The following SPINK6 variants were observed in gnomAD, a reference collection of about 807,000 sequenced individuals.
SPINK6 encodes the protein serine peptidase inhibitor Kazal type 6, also known as serine protease inhibitor Kazal-type 6.
SPINK6 carries 13 observed loss-of-function variants against 11.7 expected under a neutral mutation model. The ratio of observed to expected loss-of-function variants is 1.11; its 90% CI spans 0.72 to 1.76. SPINK6 has a LOEUF of 1.76. Among genes scored for constraint, SPINK6 ranks in the 40% most tolerant of loss-of-function variants. SPINK6 has a pLI of 0.00. For missense variants in SPINK6, 98 were observed against 93.7 expected (o/e 1.05, Z -0.19); for synonymous variants, 21 against 31.9 (o/e 0.66, Z 1.15).
In SPINK6 at chr5:148,205,732, G is replaced by A. The variant is rs79934677; in HGVS notation, c.59-304G>A. Among the ~76,000 whole-genome samples the A allele has an allele frequency of 3.1e-3, 479 of 152,198 alleles. 18 individuals are homozygous for A. In the East Asian group the frequency reaches 0.082, roughly 26 times the overall value. ...ATAAGGTCATTTTCGTAGTAAATTA[G>A]TGACTGGGCTAGGACTGTAACATGA... is the stretch of plus-strand genomic sequence containing the variant. On this transcript the variant is annotated intron_variant, in intron 1 of 3. Transcript: ENST00000325630.
At chr5:148,209,997 C>CACACACGTACGTAT (rs1561732192) in intron 2 of SPINK6, among the ~76,000 whole-genome samples, 5 of 145,892 alleles carry the variant, frequency 3.4e-5, no homozygotes, top group Non-Finnish European at 3.1e-5. Context: ...TACATATACA[C>CACACACGTACGTAT]GTATGTATAC....
In SPINK6 at chr5:148,209,991, T is replaced by TAAACACGTACGTATGTATGTATAC. The variant is rs1398978551; in HGVS notation, c.82-3918_82-3917insAACACGTACGTATGTATGTATACA. ...ACATACGTACGTATGTATGTATACA[T>TAAACACGTACGTATGTATGTATAC]ATACACGTATGTATACATGTATGTA... On this transcript the variant is annotated intron_variant, in intron 2 of 3. Coordinates refer to ENST00000325630, the MANE Select transcript of SPINK6 (RefSeq NM_205841.4). Among the ~76,000 whole-genome samples, 2 of 145,404 alleles carry TAAACACGTACGTATGTATGTATAC rather than the reference T, an allele frequency of 1.4e-5. 1 individual carries two copies. The highest frequency in any genetic ancestry group is 3.0e-5 in the Non-Finnish European group (2 of 65,970).
chr5:148,205,965 C>T (rs959785278), intron 1 of SPINK6, 71 bp from the exon 2 acceptor site: 5 of 1,523,940 alleles, frequency 3.3e-6, no homozygotes, highest in Non-Finnish European at 4.5e-6. Context: ...TTAGGAATTT[C>T]CTAATGTTGA....
intron 1 of SPINK6, among the ~76,000 whole-genome samples, chr5:148,204,336 T>C (rs1302229530): frequency 6.6e-6 from 1 of 151,680 alleles, no homozygotes; most frequent in Non-Finnish European, 1.5e-5. Flanking sequence ...GGCAGAAAAA[T>C]ATATATCTGA....
chr5:148,214,754 T>C (rs113363672), intron 3 of SPINK6, 151 bp from the exon 4 acceptor site: 19 of 600,752 alleles, frequency 3.2e-5, no homozygotes, highest in Admixed American at 2.5e-4. Context: ...AACCTCTGAG[T>C]GCATTTAATT....
intron 2 of SPINK6, among the ~76,000 whole-genome samples, chr5:148,210,624 T>A (rs1755585237): frequency 6.6e-6 from 1 of 151,810 alleles, no homozygotes; most frequent in African/African-American, 2.4e-5. Flanking sequence ...TATATTAAAC[T>A]ATCTAGGAAA....
chr5:148,213,604 T>C (rs1402111436), intron 2 of SPINK6, among the ~76,000 whole-genome samples: 1 of 152,114 alleles, frequency 6.6e-6, no homozygotes, highest in East Asian at 1.9e-4. Context: ...AATAGTTTAA[T>C]GTTGGAGCAA....
chr5:148,213,085 A>C (rs1286256630), intron 2 of SPINK6, among the ~76,000 whole-genome samples: 1 of 151,556 alleles, frequency 6.6e-6, no homozygotes, highest in Admixed American at 6.6e-5. Flanking sequence ...GTGTATATAC[A>C]TAAACACATT....
upstream of SPINK6, chr5:148,202,958 T>C (rs766897652): frequency 3.8e-6 from 2 of 528,306 alleles, no homozygotes; most frequent in East Asian, 6.0e-5. Context: ...TTTTTTAATG[T>C]GTTGGCAGGC....
intron 2 of SPINK6, among the ~76,000 whole-genome samples, chr5:148,210,079 T>TGTATGTATATGTATGTATGCATATAG (rs1561732377): frequency 8.6e-6 from 1 of 116,674 alleles, no homozygotes; most frequent in African/African-American, 2.7e-5. Flanking sequence ...TATGCATATA[T>TGTATGTATATGTATGTATGCATATAG]GTATGCATGT....
chr5:148,212,144 T>C (rs1339733870), intron 2 of SPINK6, among the ~76,000 whole-genome samples: 1 of 152,102 alleles, frequency 6.6e-6, no homozygotes, highest in Non-Finnish European at 1.5e-5. Context: ...AAAACAGCTA[T>C]AGTTGAAAGG....
At chr5:148,208,507 A>G (rs546614832) in intron 2 of SPINK6, among the ~76,000 whole-genome samples, 3 of 152,196 alleles carry the variant, frequency 2.0e-5, no homozygotes, top group Non-Finnish European at 4.4e-5. Context: ...ACATGATGAG[A>G]CAACTGATGG....
At chr5:148,213,765 T>A (rs1755645584) in intron 2 of SPINK6, 145 bp from the exon 3 acceptor site, 1 of 586,472 alleles carries the variant, frequency 1.7e-6, no homozygotes, top group African/African-American at 1.9e-5. Context: ...ATACATCAGA[T>A]AAGGAGAGCT....
At chr5:148,207,154 G>A (rs1249883728) in intron 2 of SPINK6, among the ~76,000 whole-genome samples, 1 of 151,944 alleles carries the variant, frequency 6.6e-6, no homozygotes, top group African/African-American at 2.4e-5. Flanking sequence ...AAATAAGCAT[G>A]ATAGTATGGT....
At chr5:148,212,553 T>G (rs1755615727) in intron 2 of SPINK6, among the ~76,000 whole-genome samples, 1 of 116,580 alleles carries the variant, frequency 8.6e-6, no homozygotes, top group Admixed American at 1.1e-4. Flanking sequence ...TATATTTATA[T>G]ATTTATATAA....
chr5:148,212,731 A>C (rs1301385320), intron 2 of SPINK6, among the ~76,000 whole-genome samples: 2 of 124,366 alleles, frequency 1.6e-5, no homozygotes, highest in Non-Finnish European at 3.2e-5. Flanking sequence ...ATTTTATATA[A>C]ACTATATATT....
intron 1 of SPINK6, 101 bp from the exon 2 acceptor site, chr5:148,205,935 C>A: frequency 8.3e-7 from 1 of 1,209,188 alleles, no homozygotes; most frequent in Non-Finnish European, 1.2e-6. Context: ...TTTAAGATAG[C>A]CAAGTACCAG....
At chr5:148,213,758 C>T (rs1167479069) in intron 2 of SPINK6, 152 bp from the exon 3 acceptor site, 1 of 572,906 alleles carries the variant, frequency 1.7e-6, no homozygotes, top group Admixed American at 3.3e-5. Flanking sequence ...AAGTAGAATA[C>T]ATCAGATAAG....
Position 148,209,997 on chromosome 5 carries a change from C to CGTACGTACATACGTACGTAT in SPINK6, c.82-3910_82-3909insCGTACATACGTACGTATGTA, listed in dbSNP as rs1489201046. Among the ~76,000 whole-genome samples the CGTACGTACATACGTACGTAT allele has an allele frequency of 1.0e-4, 15 of 145,992 alleles. 1 individual carries two copies. The highest frequency in any genetic ancestry group is 8.5e-4 in the East Asian group (4 of 4,710). On this transcript the variant is annotated intron_variant, in intron 2 of 3. Coordinates refer to ENST00000325630, the MANE Select transcript of SPINK6 (RefSeq NM_205841.4). ...GTACGTATGTATGTATACATATACA[C>CGTACGTACATACGTACGTAT]GTATGTATACATGTATGTACGCATG... is the stretch of plus-strand genomic sequence containing the variant.
Sources: gnomAD v4.1 joint callset for allele counts (sites outside exome capture counted in the v4.1 genomes callset) on GRCh38, gnomAD v4.1.1 for gene constraint, MANE v1.5 for transcripts, NCBI Gene and HGNC (gene_info 2026-07-23, HGNC 2026-07-21) for gene names.